The following PPFIA4 variants were observed in gnomAD, a reference collection of about 807,000 sequenced individuals.
PPFIA4 encodes PPFI scaffold protein A4, also known as liprin-alpha-4.
PPFIA4 carries 98 observed loss-of-function variants against 145.7 expected under a neutral mutation model. That is an observed-to-expected ratio of 0.67 (90% CI 0.57 to 0.80). The LOEUF is 0.80. Among genes scored for constraint, PPFIA4 ranks in the 30% least tolerant of loss-of-function variants. The probability of loss-of-function intolerance (pLI) is 0.00; values close to 1 mark genes in which losing one functional copy is unlikely to be tolerated. For missense variants in PPFIA4, 1,457 were observed against 1,632.7 expected (o/e 0.89, Z 1.85); for synonymous variants, 628 against 649.6 (o/e 0.97, Z 0.51).
intron 27 of PPFIA4, among the ~76,000 whole-genome samples, chr1:203,069,758 C>CTA (rs1553260594): frequency 7.7e-6 from 1 of 129,156 alleles, no homozygotes; most frequent in Non-Finnish European, 1.6e-5. Flanking sequence ...TGCAGTGACC[C>CTA]CCCCGCCCCG....
chr1:203,054,699 C>T lies in PPFIA4; in HGVS notation c.1830-733C>T, dbSNP rs61821064. ...ACACACACACACACACACACACACACACATACACACACAGAGAGAGAGAGA... is the reference window on the plus strand; with the variant it reads ...ACACACACACACACACACACACACATACATACACACACAGAGAGAGAGAGA... On this transcript the variant is annotated intron_variant, in intron 15 of 29. Transcript: ENST00000295706. Among the ~76,000 whole-genome samples the T allele has an allele frequency of 8.1e-3, 1,184 of 146,338 alleles. 50 individuals carry two copies. Among genetic ancestry groups the T allele is most frequent in the Admixed American group, 0.064 (938 of 14,730 alleles).
intron 18 of PPFIA4, 90 bp downstream of exon 18, chr1:203,056,598 T>C (rs1660973128): frequency 1.5e-5 from 22 of 1,492,086 alleles, no homozygotes; most frequent in Non-Finnish European, 1.9e-5. Context: ...ATCTCCCCTG[T>C]CCCAGTTTCT....
intron 1 of PPFIA4, among the ~76,000 whole-genome samples, chr1:203,030,942 C>T (rs1337230267): frequency 2.0e-5 from 3 of 148,396 alleles, no homozygotes; most frequent in African/African-American, 7.5e-5. Context: ...TATGACCACA[C>T]ACATCTACAC....
At chr1:203,066,699 T>G (rs576491199) in intron 25 of PPFIA4, among the ~76,000 whole-genome samples, 1 of 152,348 alleles carries the variant, frequency 6.6e-6, no homozygotes, top group African/African-American at 2.4e-5. Context: ...TCTGTGGTTC[T>G]ATGCCTGGCT....
At chr1:203,046,420 C>T in intron 9 of PPFIA4, 38 bp downstream of exon 9, 7 of 1,553,042 alleles carry the variant, frequency 4.5e-6, no homozygotes, top group Non-Finnish European at 6.1e-6. Flanking sequence ...CCTCTGTCCC[C>T]CATGTTCTGA....
At chr1:203,026,848 G>A (rs1469727285) in intron 1 of PPFIA4, among the ~76,000 whole-genome samples, 1 of 152,210 alleles carries the variant, frequency 6.6e-6, no homozygotes, top group African/African-American at 2.4e-5. Context: ...TAGGGGCGAT[G>A]CCTGATCTGC....
At chr1:203,076,223 G>A in intron 29 of PPFIA4, 118 bp from the exon 30 acceptor site, 1 of 1,148,118 alleles carries the variant, frequency 8.7e-7, no homozygotes, top group Non-Finnish European at 1.3e-6. Context: ...GTCTGGCCTG[G>A]GGCGCTTTGC....
At chr1:203,035,522 C>G (rs1342771312) in intron 1 of PPFIA4, 2 of 456,176 alleles carry the variant, frequency 4.4e-6, no homozygotes, top group Non-Finnish European at 8.8e-6. Flanking sequence ...CACACTCACA[C>G]CCACTCACTC....
chr1:203,052,108 C>T (rs909512885), intron 14 of PPFIA4, among the ~76,000 whole-genome samples: 1 of 150,192 alleles, frequency 6.7e-6, no homozygotes, highest in Non-Finnish European at 1.5e-5. Context: ...AGGCAGCCAA[C>T]AGTCCCTGAG....
chr1:203,040,552 G>A (rs1659630524), intron 2 of PPFIA4, among the ~76,000 whole-genome samples: 1 of 152,222 alleles, frequency 6.6e-6, no homozygotes, highest in South Asian at 2.1e-4. Context: ...TAGAGTGAAT[G>A]AACTAGTTCC....
At chr1:203,065,315 C>T (rs753190895) in intron 25 of PPFIA4, among the ~76,000 whole-genome samples, 6 of 152,074 alleles carry the variant, frequency 3.9e-5, no homozygotes, top group Non-Finnish European at 4.4e-5. Flanking sequence ...CCTCTGCACC[C>T]GCCCCCACCC....
Position 203,078,228 on chromosome 1 carries a change from G to A in PPFIA4, c.*1838G>A, listed in dbSNP as rs1662668254. 6.6e-6 allele frequency: 1 copy of A among 152,292 alleles called. No individual in the cohort carries two copies. Among genetic ancestry groups the A allele is most frequent in the Non-Finnish European group, 1.5e-5 (1 of 68,074 alleles). The allele number at this position is 152,292 out of a possible 1,614,324, so 9.4% of individuals were successfully genotyped here. A position where few individuals can be genotyped will look rare whatever the true frequency, so the allele number is the denominator to read the frequency against. ...GGATTATTGAGCAGAAAATGAGTTGGATGGAGATAAACAGCTCCCATCCCT... is the reference window on the plus strand; with the variant it reads ...GGATTATTGAGCAGAAAATGAGTTGAATGGAGATAAACAGCTCCCATCCCT... On this transcript the variant is annotated 3_prime_UTR_variant, in exon 30 of 30. Coordinates refer to ENST00000295706, the MANE Select transcript of PPFIA4 (RefSeq NM_001304331.2).
At chr1:203,069,304 G>A (rs1415805073) in intron 27 of PPFIA4, among the ~76,000 whole-genome samples, 1 of 152,138 alleles carries the variant, frequency 6.6e-6, no homozygotes, top group Non-Finnish European at 1.5e-5. Context: ...TGCTTGTTGT[G>A]TAGAGTACTT....
intron 18 of PPFIA4, 128 bp downstream of exon 18, chr1:203,056,636 A>C (rs1660974562): frequency 7.3e-7 from 1 of 1,373,066 alleles, no homozygotes; most frequent in East Asian, 2.5e-5. Flanking sequence ...TTGAAACACC[A>C]TCAGGGAAGG....
intron 4 of PPFIA4, 76 bp from the exon 5 acceptor site, chr1:203,044,303 G>C: frequency 7.1e-7 from 1 of 1,405,500 alleles, no homozygotes; most frequent in Non-Finnish European, 9.8e-7. Context: ...AGTGGTGGTA[G>C]ACCAAGCCCA....
intron 15 of PPFIA4, chr1:203,054,175 G>C (rs1660749782): frequency 1.4e-6 from 1 of 704,578 alleles, no homozygotes; most frequent in Admixed American, 2.0e-5. Context: ...TCCCCTCTCA[G>C]GGCTTGCGAT....
chr1:203,047,191 C>G (rs1369419923), intron 9 of PPFIA4, among the ~76,000 whole-genome samples: 2 of 152,240 alleles, frequency 1.3e-5, no homozygotes, highest in Non-Finnish European at 2.9e-5. Flanking sequence ...AGGACGGAAC[C>G]TGCAGCCTGG....
At chr1:203,071,347 A>G (rs1379062789) in intron 27 of PPFIA4, among the ~76,000 whole-genome samples, 2 of 150,162 alleles carry the variant, frequency 1.3e-5, no homozygotes, top group Non-Finnish European at 3.0e-5. Flanking sequence ...AATTTTTTGT[A>G]TTTTTCGTAG....
At position 203,076,543 on chromosome 1, in the gene PPFIA4, C is replaced by T. The variant is rs1662563465; in HGVS notation, c.*153C>T. The T allele has an allele frequency of 2.7e-6, 2 of 730,296 alleles. No individual in the cohort carries two copies. Among genetic ancestry groups the T allele is most frequent in the South Asian group, 1.7e-5 (1 of 58,594 alleles). The allele number at this position is 730,296 out of a possible 1,614,324, so 45.2% of individuals were successfully genotyped here. ...CTCAGAATATATTCGTCCACCCCCTCGGCACCCCATTACCCCGAGTCCCAC... is the reference window on the plus strand; with the variant it reads ...CTCAGAATATATTCGTCCACCCCCTTGGCACCCCATTACCCCGAGTCCCAC... On this transcript the variant is annotated 3_prime_UTR_variant, in exon 30 of 30. Coordinates refer to ENST00000295706, the MANE Select transcript of PPFIA4 (RefSeq NM_001304331.2).
Sources: allele counts gnomAD v4.1 joint callset (sites outside exome capture counted in the v4.1 genomes callset), GRCh38; gene constraint gnomAD v4.1.1; transcripts MANE v1.5; gene names NCBI Gene and HGNC (gene_info 2026-07-23, HGNC 2026-07-21).